PDE4D: variants seen among roughly 807,000 people sequenced by gnomAD.
The protein encoded by PDE4D is 3',5'-cyclic-AMP phosphodiesterase 4D.
A neutral mutation model predicts 87.4 loss-of-function variants in PDE4D; 24 were observed. The observed-to-expected ratio is 0.27, with a 90% CI of 0.20 to 0.39. The LOEUF (loss-of-function observed/expected upper bound fraction) is 0.39, where lower values mean the gene tolerates loss of function less well. Ranked by LOEUF, PDE4D falls within the 10% of genes least tolerant of loss-of-function variation. The probability of loss-of-function intolerance (pLI) is 1.00; values close to 1 mark genes in which losing one functional copy is unlikely to be tolerated. For synonymous variants in PDE4D, 384 were observed against 383.2 expected, an observed-to-expected ratio of 1.00 and a Z score of -0.02; for missense variants, 714 against 1,041.0, an observed-to-expected ratio of 0.69 and a Z score of 4.32.
At chr5:60,151,395 C>T (rs1214451991) in intron 2 of PDE4D, among the ~76,000 whole-genome samples, 1 of 152,164 alleles carries the variant, frequency 6.6e-6, no homozygotes, top group Non-Finnish European at 1.5e-5. Flanking sequence ...TCCATAAACA[C>T]AAAACGTCTT....
rs986454395 is a variant in PDE4D, at chr5:60,426,683, A to T, written c.-90+61259T>A. Reference sequence around the variant, plus strand: ...TACCCTAGAACTTAAAGCATAATTTAAAAAAATGAAAATATGATACATAGG... The same window carrying T: ...TACCCTAGAACTTAAAGCATAATTTTAAAAAATGAAAATATGATACATAGG... On this transcript the variant is annotated intron_variant, in intron 1 of 16. Transcript: ENST00000502484. 3.9e-5 allele frequency among the ~76,000 whole-genome samples: 6 copies of T among 152,312 alleles called. 1 individual carries two copies. Among genetic ancestry groups the T allele is most frequent in the Admixed American group, 6.5e-5 (1 of 15,302 alleles).
chr5:59,612,169 C>T (rs1383114109), intron 1 of PDE4D, among the ~76,000 whole-genome samples: 1 of 152,040 alleles, frequency 6.6e-6, no homozygotes, highest in Non-Finnish European at 1.5e-5. Context: ...ACAGCACAGT[C>T]AAGTTCACTA....
At chr5:59,154,131 G>A (rs558972176) in intron 5 of PDE4D, among the ~76,000 whole-genome samples, 8 of 152,130 alleles carry the variant, frequency 5.3e-5, no homozygotes, top group Non-Finnish European at 1.0e-4. Context: ...CATGGATGAT[G>A]GGAAGGCTTG....
At chr5:59,276,671 G>GTTCC (rs1477893133) in intron 1 of PDE4D, among the ~76,000 whole-genome samples, 1 of 151,956 alleles carries the variant, frequency 6.6e-6, no homozygotes, top group Non-Finnish European at 1.5e-5. Flanking sequence ...TATTAAGGCT[G>GTTCC]TTCCCTTGCA....
intron 5 of PDE4D, among the ~76,000 whole-genome samples, chr5:59,144,907 A>G (rs80342986): frequency 2.5e-5 from 3 of 118,052 alleles, no homozygotes; most frequent in Admixed American, 1.9e-4. Context: ...GGGGGGGGGA[A>G]CCATCCAGAA....
chr5:60,486,403 TA>T (rs761824267), intron 1 of PDE4D, among the ~76,000 whole-genome samples: 8 of 152,364 alleles, frequency 5.3e-5, no homozygotes, highest in Admixed American at 2.0e-4. Flanking sequence ...AGGAATGTAT[TA>T]AAATTACATT....
chr5:60,149,285 C>A (rs1781285956), intron 2 of PDE4D, among the ~76,000 whole-genome samples: 1 of 152,110 alleles, frequency 6.6e-6, no homozygotes, highest in South Asian at 2.1e-4. Flanking sequence ...CAGCACCTGA[C>A]AAAGGCACGG....
At chr5:60,169,426 C>T (rs1033629081) in intron 2 of PDE4D, among the ~76,000 whole-genome samples, 10 of 151,978 alleles carry the variant, frequency 6.6e-5, no homozygotes, top group African/African-American at 2.2e-4. Context: ...TGAATTTGCT[C>T]AGATTTTTTT....
At chr5:60,061,110 G>A (rs923316575) in intron 2 of PDE4D, among the ~76,000 whole-genome samples, 8 of 152,158 alleles carry the variant, frequency 5.3e-5, no homozygotes, top group African/African-American at 9.6e-5. Context: ...GAAATAAAGC[G>A]TATTCAAATA....
chr5:59,309,282 C>T (rs1228397806), intron 1 of PDE4D, among the ~76,000 whole-genome samples: 2 of 152,096 alleles, frequency 1.3e-5, no homozygotes, highest in Admixed American at 1.3e-4. Context: ...CTTCTCACCC[C>T]ATTCAAATTG....
At position 59,862,275 on chromosome 5, in the gene PDE4D, A is replaced by T. The variant is rs1025804249; in HGVS notation, c.455+30893T>A. Among the ~76,000 whole-genome samples the T allele has an allele frequency of 8.5e-5, 13 of 152,328 alleles. 1 individual carries two copies. The highest frequency in any genetic ancestry group is 2.6e-4 in the African/African-American group (11 of 41,574). On this transcript the variant is annotated intron_variant, in intron 1 of 14. Transcript: ENST00000340635. ...TAAGTTATCAACCTGTTTGCTTTTT[A>T]AAAATAATATTTATAATTTTTATTC...
intron 1 of PDE4D, among the ~76,000 whole-genome samples, chr5:59,629,883 A>T (rs12187116): frequency 0.36 from 54,140 of 152,080 alleles, 10,014 homozygotes; most frequent in African/African-American, 0.41. Context: ...AGTCTGAGTT[A>T]GCATGATCCC....
rs1419996968 is a variant in PDE4D, at chr5:59,813,990, T to C, written c.455+79178A>G. 2.6e-5 allele frequency among the ~76,000 whole-genome samples: 4 copies of C among 152,136 alleles called. No individual in the cohort carries two copies. In the East Asian group the frequency reaches 5.8e-4, roughly 22 times the overall value. ...AGATAACATAAAACTCTATATTCTG[T>C]CCCTAAGTTAATGTAAGAGATTCAT... On this transcript the variant is annotated intron_variant, in intron 1 of 14. Transcript: ENST00000340635.
chr5:59,882,823 G>A (rs769988555), intron 1 of PDE4D, among the ~76,000 whole-genome samples: 3 of 149,024 alleles, frequency 2.0e-5, no homozygotes, highest in Admixed American at 1.3e-4. Flanking sequence ...TGTTGCTCAT[G>A]ATGGAGTTCA....
intron 5 of PDE4D, 167 bp from the exon 6 acceptor site, chr5:59,039,138 G>C (rs548286142): frequency 4.4e-6 from 6 of 1,363,112 alleles, no homozygotes; most frequent in African/African-American, 1.5e-5. Flanking sequence ...AACGGGGGCG[G>C]AGGCTGTGCT....
intron 1 of PDE4D, among the ~76,000 whole-genome samples, chr5:59,522,898 C>A (rs574659313): frequency 4.6e-5 from 7 of 152,240 alleles, no homozygotes; most frequent in Non-Finnish European, 5.9e-5. Flanking sequence ...GTTGTATACA[C>A]CATTTAGAAA....
intron 1 of PDE4D, among the ~76,000 whole-genome samples, chr5:60,303,828 G>A (rs139005680): frequency 1.1e-4 from 16 of 152,288 alleles, no homozygotes; most frequent in African/African-American, 3.8e-4. Context: ...CCAGAGCTGA[G>A]TTCAGGTTCT....
At chr5:59,971,386 G>A (rs952163559) in intron 3 of PDE4D, among the ~76,000 whole-genome samples, 42 of 71,228 alleles carry the variant, frequency 5.9e-4, no homozygotes, top group Non-Finnish European at 1.4e-3. Flanking sequence ...AAATAAAAAA[G>A]AGAGAGAGAC....
chr5:59,610,300 G>C (rs1427184720), intron 1 of PDE4D, among the ~76,000 whole-genome samples: 2 of 152,170 alleles, frequency 1.3e-5, no homozygotes. Flanking sequence ...TGAGACTGGA[G>C]AACTGATTTT....
Sources: allele counts gnomAD v4.1 joint callset (sites outside exome capture counted in the v4.1 genomes callset), GRCh38; gene constraint gnomAD v4.1.1; transcripts MANE v1.5; gene names NCBI Gene and HGNC (gene_info 2026-07-23, HGNC 2026-07-21).